The following SOX5 variants were observed in gnomAD, a reference collection of about 807,000 sequenced individuals.
The protein encoded by SOX5 is SRY-box transcription factor 5, also known as transcription factor SOX-5.
In SOX5, 9 loss-of-function variants were observed where a neutral mutation model predicts 92.0. The ratio of observed to expected loss-of-function variants is 0.10; its 90% CI spans 0.06 to 0.17. The LOEUF (loss-of-function observed/expected upper bound fraction) is 0.17, where lower values mean the gene tolerates loss of function less well. SOX5 is among the 10% of genes least tolerant of loss of function. SOX5 has a pLI of 1.00. For synonymous variants in SOX5, 344 were observed against 336.3 expected (o/e 1.02, Z -0.25); for missense variants, 642 against 944.5 (o/e 0.68, Z 4.20).
chr12:24,061,597 G>A (rs541492769), intron 4 of SOX5, among the ~76,000 whole-genome samples: 8 of 151,982 alleles, frequency 5.3e-5, no homozygotes, highest in Non-Finnish European at 8.8e-5. Context: ...ACAAAACATA[G>A]GGCATCACAC....
intron 1 of SOX5, among the ~76,000 whole-genome samples, chr12:24,535,337 T>C (rs1951546416): frequency 6.6e-6 from 1 of 152,218 alleles, no homozygotes; most frequent in East Asian, 1.9e-4. Flanking sequence ...CATAAGTTTC[T>C]ATTTAAAGTA....
chr12:23,744,351 C>T (rs2093909504), intron 4 of SOX5, among the ~76,000 whole-genome samples: 1 of 152,034 alleles, frequency 6.6e-6, no homozygotes, highest in South Asian at 2.1e-4. Context: ...TAAGATTGTC[C>T]CCCAGCCCTA....
Position 23,776,963 on chromosome 12 carries a change from T to C in SOX5, c.482-21239A>G, listed in dbSNP as rs184213926. The stretch of plus-strand genomic sequence containing the variant: ...TCCTATTTTCAATTTCTATCCATTT[T>C]CCTTTATTTTTATAGCACTTGTCAC... On this transcript the variant is annotated intron_variant, in intron 3 of 14. Transcript: ENST00000451604. Among the ~76,000 whole-genome samples the C allele has an allele frequency of 3.9e-5, 6 of 152,342 alleles. No individual in the cohort carries two copies. The East Asian group carries it at 1.2e-3, about 29-fold the overall frequency.
chr12:24,513,318 G>A (rs529407818), intron 1 of SOX5, among the ~76,000 whole-genome samples: 4 of 152,332 alleles, frequency 2.6e-5, no homozygotes, highest in East Asian at 1.9e-4. Context: ...ATTGTAAGTC[G>A]AGGAGCAACT....
chr12:23,969,456 C>G (rs1362153801), intron 4 of SOX5, among the ~76,000 whole-genome samples: 5 of 152,144 alleles, frequency 3.3e-5, no homozygotes, highest in African/African-American at 1.2e-4. Flanking sequence ...TTTAGTATGG[C>G]CTACACAACA....
chr12:24,514,819 G>A (rs750371687), intron 1 of SOX5, among the ~76,000 whole-genome samples: 14 of 152,086 alleles, frequency 9.2e-5, no homozygotes, highest in South Asian at 4.1e-4. Context: ...ATCAAATATC[G>A]CGTGTTCTCA....
chr12:23,758,708 AAC>A (rs1173347800), intron 3 of SOX5, among the ~76,000 whole-genome samples: 1 of 151,946 alleles, frequency 6.6e-6, no homozygotes, highest in Non-Finnish European at 1.5e-5. Context: ...TTGAAAATTT[AAC>A]CCCTAATCCA....
chr12:23,655,363 T>G (rs2082180432), intron 7 of SOX5, among the ~76,000 whole-genome samples: 1 of 152,110 alleles, frequency 6.6e-6, no homozygotes. Context: ...ATGGAACTGC[T>G]TCTATATCCA....
chr12:23,825,820 T>G (rs925893001), intron 3 of SOX5, among the ~76,000 whole-genome samples: 1 of 152,194 alleles, frequency 6.6e-6, no homozygotes, highest in Non-Finnish European at 1.5e-5. Flanking sequence ...ACTTTAAAAC[T>G]GACCAATTAT....
chr12:23,943,109 A>G (rs1943958660), intron 1 of SOX5, among the ~76,000 whole-genome samples: 1 of 152,026 alleles, frequency 6.6e-6, no homozygotes, highest in Non-Finnish European at 1.5e-5. Context: ...CATGAATGAG[A>G]CATGGTTTAC....
intron 4 of SOX5, among the ~76,000 whole-genome samples, chr12:24,200,553 A>G (rs1433586692): frequency 6.6e-6 from 1 of 152,126 alleles, no homozygotes. Context: ...TATAGGGACA[A>G]CATTTGGGTG....
At chr12:24,480,695 A>G (rs1945890602) in intron 1 of SOX5, among the ~76,000 whole-genome samples, 1 of 152,188 alleles carries the variant, frequency 6.6e-6, no homozygotes, top group South Asian at 2.1e-4. Flanking sequence ...AAGGCAAATC[A>G]AAACTACAAT....
At position 23,585,905 on chromosome 12, in the gene SOX5, C is replaced by T. The variant is rs148449260; in HGVS notation, c.1165-10067G>A. On this transcript the variant is annotated intron_variant, in intron 9 of 14. Coordinates refer to ENST00000451604, the MANE Select transcript of SOX5 (RefSeq NM_006940.6). ...GCAACGGCCAGGTAAACCCCATTTG[C>T]ATAATAAAAGATTCACGGGCTATGT... Among the ~76,000 whole-genome samples, 269 of 152,176 alleles carry T rather than the reference C, an allele frequency of 1.8e-3. 5 individuals are homozygous for T. Among genetic ancestry groups the T allele is most frequent in the Admixed American group, 0.016 (242 of 15,262 alleles).
chr12:24,016,383 G>C (rs1208305867), intron 4 of SOX5, among the ~76,000 whole-genome samples: 1 of 152,114 alleles, frequency 6.6e-6, no homozygotes, highest in Non-Finnish European at 1.5e-5. Context: ...TAATTGTGAA[G>C]AGTACAGCTG....
At chr12:24,351,147 T>C (rs773586179) in intron 2 of SOX5, among the ~76,000 whole-genome samples, 3 of 152,216 alleles carry the variant, frequency 2.0e-5, no homozygotes, top group African/African-American at 4.8e-5. Context: ...CTTTATATTG[T>C]TATACTACAG....
chr12:23,573,239 A>G (rs566815533), intron 10 of SOX5, among the ~76,000 whole-genome samples: 1 of 152,252 alleles, frequency 6.6e-6, no homozygotes, highest in East Asian at 1.9e-4. Context: ...TTCTCAAACT[A>G]TTATCACTTC....
chr12:24,282,020 A>T (rs1945269600), intron 2 of SOX5, among the ~76,000 whole-genome samples: 1 of 152,208 alleles, frequency 6.6e-6, no homozygotes, highest in Non-Finnish European at 1.5e-5. Flanking sequence ...ATTTGTAAGA[A>T]TATTCAATTT....
chr12:24,383,336 C>T (rs577598869), intron 1 of SOX5, among the ~76,000 whole-genome samples: 6 of 152,310 alleles, frequency 3.9e-5, no homozygotes, highest in African/African-American at 1.4e-4. Context: ...TTCCTTAAAG[C>T]TAATTCTATA....
At chr12:23,894,273 G>C (rs1270997587) in intron 2 of SOX5, among the ~76,000 whole-genome samples, 1 of 152,034 alleles carries the variant, frequency 6.6e-6, no homozygotes, top group East Asian at 1.9e-4. Flanking sequence ...CTATCACCAG[G>C]CTCGAGTGTA....
Sources: gnomAD v4.1 joint callset for allele counts (sites outside exome capture counted in the v4.1 genomes callset) on GRCh38, gnomAD v4.1.1 for gene constraint, MANE v1.5 for transcripts, NCBI Gene and HGNC (gene_info 2026-07-23, HGNC 2026-07-21) for gene names.